The following CAPN2 variants were observed in gnomAD, a reference collection of about 807,000 sequenced individuals.
CAPN2 encodes calpain-2 catalytic subunit.
In CAPN2, 92 loss-of-function variants were observed where a neutral mutation model predicts 102.3. The ratio of observed to expected loss-of-function variants is 0.90; its 90% CI spans 0.76 to 1.07. The LOEUF (loss-of-function observed/expected upper bound fraction) is 1.07. CAPN2 is among the 50% of genes least tolerant of loss of function. CAPN2 has a pLI of 0.00. For missense variants in CAPN2, 800 were observed against 909.4 expected (o/e 0.88, Z 1.55); for synonymous variants, 340 against 355.4 (o/e 0.96, Z 0.49).
At chr1:223,753,625 T>C (rs1345119748) in intron 9 of CAPN2, among the ~76,000 whole-genome samples, 1 of 150,526 alleles carries the variant, frequency 6.6e-6, no homozygotes, top group Non-Finnish European at 1.5e-5. Flanking sequence ...TGAGGATCCA[T>C]AATCTGAAAA....
Position 223,707,253 on chromosome 1 carries a change from T to TC in CAPN2, c.3+5422_3+5423insC, listed in dbSNP as rs567908043. Among the ~76,000 whole-genome samples, 18 of 149,342 alleles carry TC rather than the reference T, an allele frequency of 1.2e-4. No homozygotes were observed. In the South Asian group the frequency reaches 1.9e-3, roughly 16 times the overall value. ...CTCTTATTTTCTCTCTCTCTCTCTC[T>TC]TCTTCTCTCTCTCTCTCTTTCTATC... is the stretch of plus-strand genomic sequence containing the variant. On this transcript the variant is annotated intron_variant, in intron 1 of 20. Coordinates refer to the CAPN2 transcript ENST00000433674.
Position 223,717,908 on chromosome 1 carries a change from G to A in CAPN2, c.307+77G>A. On this transcript the variant is annotated intron_variant, in intron 2 of 20. Coordinates refer to ENST00000295006, the MANE Select transcript of CAPN2 (RefSeq NM_001748.5). ...GTGGAAGAGATGAGGGACAACCTGTGGCTTCTCTCCCTTCCCAAGCAGCTT... is the reference window on the plus strand; with the variant it reads ...GTGGAAGAGATGAGGGACAACCTGTAGCTTCTCTCCCTTCCCAAGCAGCTT... 4 of 1,096,996 alleles carry A rather than the reference G, an allele frequency of 3.6e-6. No homozygotes were observed. In the South Asian group the frequency reaches 5.1e-5, roughly 14 times the overall value. The allele number at this position is 1,096,996 out of a possible 1,614,324, so 68.0% of individuals were successfully genotyped here.
rs1046894818 is a variant in CAPN2, at chr1:223,755,070, C to G, written c.1136-410C>G. Among the ~76,000 whole-genome samples the G allele has an allele frequency of 1.3e-5, 2 of 152,162 alleles. No individual in the cohort carries two copies. Among genetic ancestry groups the G allele is most frequent in the African/African-American group, 4.8e-5 (2 of 41,426 alleles). ...ACAAGTGCAGGTCATCCTCTCTCCA[C>G]AGCTACCGTCACCCGTCTCCAGCCT... On this transcript the variant is annotated intron_variant, in intron 9 of 20. Coordinates refer to ENST00000295006, the MANE Select transcript of CAPN2 (RefSeq NM_001748.5). This position sits in a 1 kb window ranked among gnomAD's most constrained non-coding sequence, Gnocchi z 4.1.
At chr1:223,733,110 C>T (rs558015714) in intron 2 of CAPN2, among the ~76,000 whole-genome samples, 2 of 152,160 alleles carry the variant, frequency 1.3e-5, no homozygotes, top group Non-Finnish European at 2.9e-5. Context: ...TGCCCACACA[C>T]CTCCTGTCCT....
intron 16 of CAPN2, among the ~76,000 whole-genome samples, chr1:223,766,722 C>T (rs576768306): frequency 3.9e-4 from 60 of 152,232 alleles, no homozygotes; most frequent in Middle Eastern, 3.4e-3. Flanking sequence ...TTTGGAAGGC[C>T]AAGGTGGGCC....
chr1:223,728,938 T>C (rs1195598237), intron 2 of CAPN2, among the ~76,000 whole-genome samples: 1 of 152,214 alleles, frequency 6.6e-6, no homozygotes, highest in Non-Finnish European at 1.5e-5. Context: ...AGCAGTGGGC[T>C]GAGACTTCAG....
intron 2 of CAPN2, among the ~76,000 whole-genome samples, chr1:223,741,733 G>A (rs900327707): frequency 6.6e-6 from 1 of 151,894 alleles, no homozygotes; most frequent in African/African-American, 2.4e-5. Context: ...GGGATTAAGA[G>A]GCATGAGCCA....
At chr1:223,722,263 C>G (rs975024471) in intron 2 of CAPN2, among the ~76,000 whole-genome samples, 1 of 131,174 alleles carries the variant, frequency 7.6e-6, no homozygotes, top group African/African-American at 2.8e-5. Flanking sequence ...CTTTTCCTTT[C>G]TTTCTTTTTC....
chr1:223,769,509 TA>T (rs1056037537), intron 16 of CAPN2, among the ~76,000 whole-genome samples: 1 of 151,646 alleles, frequency 6.6e-6, no homozygotes, highest in African/African-American at 2.4e-5. Context: ...CCACATACTT[TA>T]AAAAAAACAG....
rs1330044432 is a variant in CAPN2 at position 223,756,228 on chromosome 1, C to T, written c.1305+579C>T. Among the ~76,000 whole-genome samples, 1 of 152,228 alleles carries T rather than the reference C, an allele frequency of 6.6e-6. No individual in the cohort carries two copies. Among genetic ancestry groups the T allele is most frequent in the Non-Finnish European group, 1.5e-5 (1 of 68,040 alleles). On this transcript the variant is annotated intron_variant, in intron 10 of 20. Transcript: ENST00000295006. This position sits in a 1 kb window ranked among gnomAD's most constrained non-coding sequence, Gnocchi z 4.1. Reference sequence around the variant, plus strand: ...CAGCCGCATTGCAGTCTCCTCTCCGCCCTCAGGCTGGGGCTGGGGCACTGA... The same window carrying T: ...CAGCCGCATTGCAGTCTCCTCTCCGTCCTCAGGCTGGGGCTGGGGCACTGA...
intron 15 of CAPN2, among the ~76,000 whole-genome samples, 182 bp from the exon 16 acceptor site, chr1:223,766,185 A>T (rs1225036570): frequency 6.6e-6 from 1 of 152,218 alleles, no homozygotes; most frequent in Non-Finnish European, 1.5e-5. Flanking sequence ...CATCAGGACA[A>T]TGTGGACATC....
chr1:223,748,938 TG>T, intron 5 of CAPN2, 100 bp from the exon 6 acceptor site: 1 of 1,080,734 alleles, frequency 9.3e-7, no homozygotes, highest in South Asian at 1.3e-5. Context: ...GCTGCGCTAG[TG>T]CGTCCGGCGG....
chr1:223,717,877 C>A, intron 2 of CAPN2, 46 bp downstream of exon 2: 1 of 1,458,944 alleles, frequency 6.9e-7, no homozygotes, highest in Non-Finnish European at 9.6e-7. Flanking sequence ...GTCTGTAAGG[C>A]TGTGGGTGGA....
chr1:223,758,909 G>A (rs1661112965), intron 11 of CAPN2: 2 of 317,160 alleles, frequency 6.3e-6, no homozygotes, highest in South Asian at 6.0e-5. Context: ...GCCCAGGCTG[G>A]TCTCAAACTC....
In CAPN2 at chr1:223,744,357, AG is replaced by A. The variant is rs1413098761; in HGVS notation, c.426+140del. 4.0e-5 allele frequency: 26 copies of A among 643,988 alleles called. No individual in the cohort carries two copies. The African/African-American group carries it at 4.1e-4, about 10-fold the overall frequency. 39.9% of individuals were successfully genotyped at this position (643,988 alleles called of 1,614,324 possible). A position where few individuals can be genotyped will look rare whatever the true frequency, so the allele number is the denominator to read the frequency against. On this transcript the variant is annotated intron_variant, in intron 3 of 20. Transcript: ENST00000295006. Reference sequence around the variant, plus strand: ...ACTGTTCTACAAAGGACATTGGGCGAGAGCAGGAAGCTTCCTGGCTTACCCG... The same window carrying A: ...ACTGTTCTACAAAGGACATTGGGCGAAGCAGGAAGCTTCCTGGCTTACCCG...
Position 223,725,669 on chromosome 1 carries a change from TG to T in CAPN2, c.307+7840del, listed in dbSNP as rs1660172532. On this transcript the variant is annotated intron_variant, in intron 2 of 20. Coordinates refer to ENST00000295006, the MANE Select transcript of CAPN2 (RefSeq NM_001748.5). This position sits in a 1 kb window ranked among gnomAD's most constrained non-coding sequence, Gnocchi z 4.1. ...TTGGAGAGGGGTATGACAGAGGAGGTGGTGTCCCAGGGGGAAGGTCCGGAAA... is the reference window on the plus strand; with the variant it reads ...TTGGAGAGGGGTATGACAGAGGAGGTGTGTCCCAGGGGGAAGGTCCGGAAA... Among the ~76,000 whole-genome samples the T allele has an allele frequency of 6.6e-6, 1 of 151,688 alleles. No homozygotes were observed. The highest frequency in any genetic ancestry group is 1.5e-5 in the Non-Finnish European group (1 of 67,904).
At chr1:223,761,702 A>C (rs1661190067) in intron 13 of CAPN2, 85 bp downstream of exon 13, 1 of 1,114,628 alleles carries the variant, frequency 9.0e-7, no homozygotes, top group East Asian at 2.4e-5. Context: ...GAGTTTTTGG[A>C]CTTCACGAAC....
rs761998651 is a variant in CAPN2, at chr1:223,745,289, C to T, written c.427-17C>T. ...TGCCACCAGCTCCTCCTGCAGCCCA[C>T]CTCTCTTGTTCTGCAGTTCTGGCAA... On this transcript the variant is annotated splice_polypyrimidine_tract_variant and intron_variant, in intron 3 of 20. Coordinates refer to ENST00000295006, the MANE Select transcript of CAPN2 (RefSeq NM_001748.5). 2.8e-5 allele frequency: 45 copies of T among 1,613,984 alleles called. No homozygotes were observed. Among genetic ancestry groups the T allele is most frequent in the Non-Finnish European group, 3.4e-5 (40 of 1,180,024 alleles).
intron 2 of CAPN2, among the ~76,000 whole-genome samples, chr1:223,740,350 A>G (rs1660581583): frequency 6.6e-6 from 1 of 152,232 alleles, no homozygotes; most frequent in African/African-American, 2.4e-5. Flanking sequence ...TACACTCACC[A>G]GGAGTTTTGC....
Sources: allele counts gnomAD v4.1 joint callset (sites outside exome capture counted in the v4.1 genomes callset), GRCh38; gene constraint gnomAD v4.1.1; non-coding constraint Gnocchi (gnomAD v3.1); transcripts MANE v1.5; gene names NCBI Gene and HGNC (gene_info 2026-07-23, HGNC 2026-07-21).